CLDN14: variants seen among roughly 807,000 people sequenced by gnomAD.
CLDN14 encodes claudin 14, also known as claudin-14.
A neutral mutation model predicts 2.1 loss-of-function variants in CLDN14; 2 were observed. The observed-to-expected ratio is 0.96, with a 90% CI of 0.39 to 3.01. CLDN14 has a LOEUF of 3.01. Among genes scored for constraint, CLDN14 ranks in the 30% most tolerant of loss-of-function variants. The pLI, the probability that CLDN14 is intolerant of heterozygous loss-of-function variation, is 0.09. For synonymous variants in CLDN14, 136 were observed against 154.4 expected, an observed-to-expected ratio of 0.88 and a Z score of 0.88; for missense variants, 298 against 328.0, an observed-to-expected ratio of 0.91 and a Z score of 0.71.
intron 1 of CLDN14, among the ~76,000 whole-genome samples, chr21:36,470,342 G>C (rs1041745776): frequency 6.6e-6 from 1 of 152,234 alleles, no homozygotes; most frequent in Non-Finnish European, 1.5e-5. Flanking sequence ...CCTTATAAGA[G>C]GATGGGCATA....
rs575851222 is a variant in CLDN14, at chr21:36,548,589, A to T, written c.-220+27822T>A. ...AGCTTCCACGGCTTCTCCAGGGTGG[A>T]GACCAAGTCTGTGGCAGGTTAGAGG... is the stretch of plus-strand genomic sequence containing the variant. On this transcript the variant is annotated intron_variant, in intron 1 of 2. Coordinates refer to the CLDN14 transcript ENST00000342108. 1.2e-3 allele frequency among the ~76,000 whole-genome samples: 176 copies of T among 152,200 alleles called. 1 individual carries two copies. Among genetic ancestry groups the T allele is most frequent in the Non-Finnish European group, 2.0e-3 (137 of 68,040 alleles).
rs555877270 is a variant in CLDN14, at chr21:36,566,558, G to A, written c.-220+9853C>T. Among the ~76,000 whole-genome samples the A allele has an allele frequency of 5.3e-5, 8 of 152,220 alleles. 1 individual carries two copies. In the South Asian group the frequency reaches 1.5e-3, roughly 28 times the overall value. On this transcript the variant is annotated intron_variant, in intron 1 of 2. Coordinates refer to the CLDN14 transcript ENST00000342108. ...CTGAGTTGAGGCCCTGGGGCCTCAC[G>A]GTCACTGCAGCCCCTCTGCACAAGT...
chr21:36,490,655 C>G (rs1272086877), intron 2 of CLDN14, among the ~76,000 whole-genome samples: 1 of 151,638 alleles, frequency 6.6e-6, no homozygotes, highest in Non-Finnish European at 1.5e-5. Context: ...TCCCAAAGTG[C>G]TGGGATTACA....
intron 1 of CLDN14, among the ~76,000 whole-genome samples, chr21:36,570,130 A>T (rs1452745476): frequency 6.6e-6 from 1 of 152,216 alleles, no homozygotes; most frequent in Non-Finnish European, 1.5e-5. Flanking sequence ...TTATAGGTAG[A>T]TTTAAAAATT....
chr21:36,553,068 G>C (rs1601634623), intron 1 of CLDN14, among the ~76,000 whole-genome samples: 1 of 152,198 alleles, frequency 6.6e-6, no homozygotes, highest in Non-Finnish European at 1.5e-5. Flanking sequence ...CTCAACAGGA[G>C]AGTGCGCAAC....
At chr21:36,539,521 C>A (rs1212399452) in intron 1 of CLDN14, among the ~76,000 whole-genome samples, 1 of 109,758 alleles carries the variant, frequency 9.1e-6, no homozygotes, top group East Asian at 3.0e-4. Flanking sequence ...TGAGTGTATG[C>A]AGAGTGAGTG....
At chr21:36,576,205 G>A (rs1335142399) in intron 1 of CLDN14, among the ~76,000 whole-genome samples, 3 of 152,024 alleles carry the variant, frequency 2.0e-5, no homozygotes, top group African/African-American at 7.3e-5. Flanking sequence ...ACTAATCATT[G>A]ACACCCAATC....
At chr21:36,483,841 C>T (rs1264626681), upstream of CLDN14, among the ~76,000 whole-genome samples, 1 of 152,168 alleles carries the variant, frequency 6.6e-6, no homozygotes, top group Non-Finnish European at 1.5e-5. Flanking sequence ...GGGTGGGGAC[C>T]TTCTTGTTGG....
chr21:36,569,852 C>T (rs2087696624), intron 1 of CLDN14, among the ~76,000 whole-genome samples: 1 of 152,174 alleles, frequency 6.6e-6, no homozygotes, highest in African/African-American at 2.4e-5. Flanking sequence ...GTGAAGGCTT[C>T]TTGGCAAAAA....
At chr21:36,474,007 C>A (rs1452586432) in intron 1 of CLDN14, among the ~76,000 whole-genome samples, 4 of 152,040 alleles carry the variant, frequency 2.6e-5, no homozygotes, top group Non-Finnish European at 5.9e-5. Flanking sequence ...TCAGTTTCGG[C>A]GGAGTTGATT....
In CLDN14 at chr21:36,523,846, G is replaced by T. The variant is rs557464086; in HGVS notation, c.-219-13346C>A. 4.0e-5 allele frequency among the ~76,000 whole-genome samples: 6 copies of T among 149,424 alleles called. No homozygotes were observed. The East Asian group carries it at 1.2e-3, about 29-fold the overall frequency. Reference sequence around the variant, plus strand: ...AAGAAAGAAAGAAAGAAAGAAAGTGGATTCGGCACCATCCCTAATAACAGG... The same window carrying T: ...AAGAAAGAAAGAAAGAAAGAAAGTGTATTCGGCACCATCCCTAATAACAGG... On this transcript the variant is annotated intron_variant, in intron 1 of 2. Transcript: ENST00000342108.
chr21:36,519,862 A>G (rs984520894), intron 1 of CLDN14, among the ~76,000 whole-genome samples: 34 of 152,136 alleles, frequency 2.2e-4, no homozygotes, highest in African/African-American at 7.7e-4. Context: ...CAGCATTCAG[A>G]TCATTGCTCA....
intron 1 of CLDN14, among the ~76,000 whole-genome samples, chr21:36,517,642 A>G (rs1187973273): frequency 1.3e-5 from 2 of 152,198 alleles, no homozygotes; most frequent in Admixed American, 6.5e-5. Flanking sequence ...ATTTCAGGCA[A>G]TGTTGGATAC....
At chr21:36,472,331 C>T (rs1238319520) in intron 1 of CLDN14, among the ~76,000 whole-genome samples, 2 of 152,236 alleles carry the variant, frequency 1.3e-5, no homozygotes, top group Admixed American at 1.3e-4. Flanking sequence ...GGGTGTGAGA[C>T]ACAGGTGCCT....
intron 1 of CLDN14, among the ~76,000 whole-genome samples, chr21:36,467,440 C>G: frequency 6.6e-6 from 1 of 151,894 alleles, no homozygotes; most frequent in South Asian, 2.1e-4. Flanking sequence ...TCACTTTGTC[C>G]TATCTTCAGA....
intron 1 of CLDN14, among the ~76,000 whole-genome samples, chr21:36,552,596 C>A (rs1247255710): frequency 6.6e-6 from 1 of 152,036 alleles, no homozygotes; most frequent in African/African-American, 2.4e-5. Context: ...CATAACTGAG[C>A]CAGAAAAATA....
rs893898597 is a variant in CLDN14, at chr21:36,572,042, A to T, written c.-220+4369T>A. Among the ~76,000 whole-genome samples the T allele has an allele frequency of 2.0e-5, 3 of 152,208 alleles. No individual in the cohort carries two copies. The East Asian group carries it at 5.8e-4, about 29-fold the overall frequency. On this transcript the variant is annotated intron_variant, in intron 1 of 2. Transcript: ENST00000342108. ...GATCTAGCAACGGAATTGCCAACTC[A>T]AAGTCTCACTGAAACACAACAGGCT...
chr21:36,536,228 A>G (rs2087422881), intron 1 of CLDN14, among the ~76,000 whole-genome samples: 1 of 152,206 alleles, frequency 6.6e-6, no homozygotes, highest in Non-Finnish European at 1.5e-5. Context: ...TCCAGCTGAC[A>G]TCTGCCTGTA....
At chr21:36,530,496 T>C (rs769501412) in intron 1 of CLDN14, among the ~76,000 whole-genome samples, 8 of 152,348 alleles carry the variant, frequency 5.3e-5, no homozygotes, top group East Asian at 1.9e-4. Context: ...GGCAGACCAA[T>C]AGGCATAAAG....
Sources: gnomAD v4.1 joint callset for allele counts (sites outside exome capture counted in the v4.1 genomes callset) on GRCh38, gnomAD v4.1.1 for gene constraint, MANE v1.5 for transcripts, NCBI Gene and HGNC (gene_info 2026-07-23, HGNC 2026-07-21) for gene names.